The following COG3 variants were observed in gnomAD, a reference collection of about 807,000 sequenced individuals.
COG3 encodes conserved oligomeric Golgi complex subunit 3.
In COG3, 32 loss-of-function variants were observed where a neutral mutation model predicts 114.1. That is an observed-to-expected ratio of 0.28 (90% CI 0.21 to 0.38). The LOEUF (loss-of-function observed/expected upper bound fraction) is 0.38, where lower values mean the gene tolerates loss of function less well. COG3 is among the 10% of genes least tolerant of loss of function. The pLI is 1.00. For synonymous variants in COG3, 352 were observed against 365.7 expected (o/e 0.96, Z 0.43); for missense variants, 813 against 973.2 (o/e 0.84, Z 2.19).
At chr13:45,518,467 C>T (rs543608561) in intron 17 of COG3, among the ~76,000 whole-genome samples, 30 of 152,156 alleles carry the variant, frequency 2.0e-4, no homozygotes, top group African/African-American at 6.8e-4. Context: ...ATTTAATATC[C>T]TAAAAGTAAA....
At chr13:45,492,630 C>T (rs1887083378) in intron 11 of COG3, among the ~76,000 whole-genome samples, 1 of 152,110 alleles carries the variant, frequency 6.6e-6, no homozygotes, top group African/African-American at 2.4e-5. Flanking sequence ...TATTTAATAA[C>T]CTTTTCTTTA....
intron 14 of COG3, 118 bp from the exon 15 acceptor site, chr13:45,509,574 G>A (rs1341972214): frequency 8.3e-7 from 1 of 1,201,118 alleles, no homozygotes; most frequent in African/African-American, 1.5e-5. Context: ...GGAAAAAATT[G>A]GTGCCCTCTA....
intron 16 of COG3, chr13:45,512,131 G>A (rs1030441782): frequency 3.6e-6 from 1 of 278,828 alleles, no homozygotes; most frequent in Non-Finnish European, 6.7e-6. Context: ...TAGCCACTGG[G>A]GAAATGATAC....
At chr13:45,526,353 T>A (rs1028393970) in intron 20 of COG3, among the ~76,000 whole-genome samples, 3 of 152,100 alleles carry the variant, frequency 2.0e-5, no homozygotes, top group African/African-American at 7.2e-5. Flanking sequence ...CCCAAAATGC[T>A]GGGATTACAG....
intron 1 of COG3, among the ~76,000 whole-genome samples, chr13:45,469,408 A>C (rs540343630): frequency 2.0e-5 from 3 of 152,206 alleles, no homozygotes; most frequent in Non-Finnish European, 4.4e-5. Flanking sequence ...AATGTGTGGC[A>C]CACCAAAACC....
In COG3 at chr13:45,470,643, A is replaced by G. The variant is rs553595320; in HGVS notation, c.174+5433A>G. Among the ~76,000 whole-genome samples, 6 of 152,374 alleles carry G rather than the reference A, an allele frequency of 3.9e-5. No homozygotes were observed. The East Asian group carries it at 1.2e-3, about 29-fold the overall frequency. ...CTCAATGGTAACATTTTGCACAACTATAGTATCTGGTGTCACAACTGGGAT... is the reference window on the plus strand; with the variant it reads ...CTCAATGGTAACATTTTGCACAACTGTAGTATCTGGTGTCACAACTGGGAT... On this transcript the variant is annotated intron_variant, in intron 1 of 22. Transcript: ENST00000349995.
intron 16 of COG3, among the ~76,000 whole-genome samples, chr13:45,512,571 G>C (rs1870982436): frequency 6.6e-6 from 1 of 151,790 alleles, no homozygotes; most frequent in African/African-American, 2.4e-5. Flanking sequence ...GGGCTCAAGT[G>C]ATTTGCCCAC....
At chr13:45,496,105 G>T in intron 12 of COG3, 47 bp from the exon 13 acceptor site, 1 of 1,550,856 alleles carries the variant, frequency 6.4e-7, no homozygotes, top group Non-Finnish European at 8.8e-7. Context: ...TTAAAAGAAA[G>T]TGTTTTTCTA....
Position 45,481,296 on chromosome 13 carries a change from A to G in COG3, c.616A>G (p.Ile206Val). ...KLSYFNELET[I>V]NTKLNSPTLS... ...TTCCTATTTTAACGAATTGGAAACT[A>G]TTAACACAGTAAGCATTGTTCTTTA... The change falls in exon 5 of 23, where the codon ATT becomes GTT. Residue 206 changes from isoleucine (I) to valine (V), a missense_variant. Ile to Val is a conservative substitution (Grantham distance 29, BLOSUM62 3). Transcript: ENST00000349995. 2.6e-6 allele frequency: 4 copies of G among 1,546,984 alleles called. No individual in the cohort carries two copies. The highest frequency in any genetic ancestry group is 1.1e-5 in the South Asian group (1 of 88,324).
intron 13 of COG3, among the ~76,000 whole-genome samples, chr13:45,500,810 A>T (rs1869444073): frequency 1.3e-5 from 2 of 151,964 alleles, no homozygotes; most frequent in African/African-American, 4.8e-5. Context: ...CTTAGTTTTT[A>T]TGTCTTTTTA....
chr13:45,531,041 C>G, intron 22 of COG3: 2 of 1,061,476 alleles, frequency 1.9e-6, no homozygotes, highest in South Asian at 8.4e-5. Context: ...AGAGAATGAC[C>G]TGTTTGTAAA....
At position 45,500,067 on chromosome 13, in the gene COG3, AGT is replaced by A. The variant is rs1158465437; in HGVS notation, c.1489-3150_1489-3149del. On this transcript the variant is annotated intron_variant, in intron 13 of 22. Transcript: ENST00000349995. The stretch of plus-strand genomic sequence containing the variant: ...GTGTGTGTGTGTGTGTGTGTGTGTG[AGT>A]GTGTGTGTGTGTGTGTGTGTGTGTG... Among the ~76,000 whole-genome samples, 972 of 113,080 alleles carry A rather than the reference AGT, an allele frequency of 8.6e-3. 15 individuals are homozygous for A. The highest frequency in any genetic ancestry group is 0.028 in the African/African-American group (873 of 31,704). 74.2% of individuals were successfully genotyped at this position (113,080 alleles called of 152,430 possible). A position where few individuals can be genotyped will look rare whatever the true frequency, so the allele number is the denominator to read the frequency against.
chr13:45,524,289 C>T (rs1872475053), intron 19 of COG3, among the ~76,000 whole-genome samples: 1 of 152,172 alleles, frequency 6.6e-6, no homozygotes, highest in South Asian at 2.1e-4. Flanking sequence ...CTCTCTTACC[C>T]TCCCCAGCTA....
chr13:45,482,512 T>TA (rs1426860829), intron 6 of COG3, 39 bp downstream of exon 6: 4 of 949,764 alleles, frequency 4.2e-6, no homozygotes, highest in Non-Finnish European at 4.9e-6. Flanking sequence ...AAGAAATCCT[T>TA]AGATTCCTAT....
intron 17 of COG3, among the ~76,000 whole-genome samples, chr13:45,518,543 G>A (rs1871783183): frequency 6.6e-6 from 1 of 152,128 alleles, no homozygotes; most frequent in African/African-American, 2.4e-5. Context: ...GTGAATAATT[G>A]AGATTAATAG....
At position 45,476,290 on chromosome 13, in the gene COG3, C is replaced by G. The variant is rs201231954; in HGVS notation, c.264C>G (p.Leu88=). 6.2e-6 allele frequency: 10 copies of G among 1,613,884 alleles called. No homozygotes were observed. In the Middle Eastern group the frequency reaches 5.0e-4, roughly 80 times the overall value. ...TGCCTGAATCTACAGAAGACATTCT[C>G]TTGAAGGGCTTCACTTCCTTAGGAA... ...SVVPESTEDI[L]LKGFTSLGME... The change falls in exon 2 of 23, where the codon CTC becomes CTG. Residue 88 remains leucine, a synonymous_variant. Coordinates refer to ENST00000349995, the MANE Select transcript of COG3 (RefSeq NM_031431.4).
intron 15 of COG3, among the ~76,000 whole-genome samples, chr13:45,510,437 A>G (rs1870734998): frequency 1.3e-5 from 2 of 152,206 alleles, no homozygotes. Context: ...GATCTCTTCC[A>G]GAGAGAGGTT....
chr13:45,502,772 C>T (rs927871655), intron 13 of COG3, among the ~76,000 whole-genome samples: 5 of 152,126 alleles, frequency 3.3e-5, no homozygotes, highest in African/African-American at 1.2e-4. Flanking sequence ...TTATGCCTTA[C>T]CTGCCTCCCA....
intron 8 of COG3, among the ~76,000 whole-genome samples, chr13:45,487,166 A>G (rs372955366): frequency 1.3e-5 from 2 of 152,190 alleles, no homozygotes; most frequent in Non-Finnish European, 2.9e-5. Flanking sequence ...TGGGGAAAGG[A>G]TGATTGCTGG....
Sources: allele counts gnomAD v4.1 joint callset (sites outside exome capture counted in the v4.1 genomes callset), GRCh38; gene constraint gnomAD v4.1.1; transcripts MANE v1.5; gene names NCBI Gene and HGNC (gene_info 2026-07-23, HGNC 2026-07-21).